RBBP5: variants seen among roughly 807,000 people sequenced by gnomAD.
RBBP5 encodes the protein RB binding protein 5, histone lysine methyltransferase complex subunit.
A neutral mutation model predicts 72.2 loss-of-function variants in RBBP5; 5 were observed. The observed-to-expected ratio is 0.07, with a 90% CI of 0.04 to 0.15. The LOEUF is 0.15. Ranked by LOEUF, RBBP5 falls within the 10% of genes least tolerant of loss-of-function variation. The pLI, the probability that RBBP5 is intolerant of heterozygous loss-of-function variation, is 1.00. For missense variants in RBBP5, 322 were observed against 652.2 expected (o/e 0.49, Z 5.51); for synonymous variants, 209 against 237.2 (o/e 0.88, Z 1.09).
At chr1:205,093,474 AAAAAAATATATATATATATATATATATAT>A (rs1558570143) in intron 13 of RBBP5, among the ~76,000 whole-genome samples, 1 of 8,576 alleles carries the variant, frequency 1.2e-4, no homozygotes, top group Non-Finnish European at 2.5e-4. Flanking sequence ...AAAAAAAAAA[AAAAAAATATATATATATATATATATATAT>A]ATATATATAT....
chr1:205,090,872 AGGAG>A (rs934619993), intron 13 of RBBP5, among the ~76,000 whole-genome samples: 12 of 152,092 alleles, frequency 7.9e-5, no homozygotes, highest in African/African-American at 2.4e-4. Context: ...AAAGAAGGAA[AGGAG>A]GGAGGGAGGG....
intron 3 of RBBP5, among the ~76,000 whole-genome samples, chr1:205,106,424 G>A (rs6698461): frequency 0.1 from 15,376 of 151,988 alleles, 1,429 homozygotes; most frequent in African/African-American, 0.24. Context: ...GTGAAACTCC[G>A]TTGTCTACTA....
At chr1:205,116,023 G>A (rs777816822) in intron 1 of RBBP5, 140 bp from the exon 2 acceptor site, 30 of 1,546,126 alleles carry the variant, frequency 1.9e-5, no homozygotes, top group African/African-American at 5.5e-5. Context: ...GAGGCCATAC[G>A]GATTTTCAAG....
intron 13 of RBBP5, chr1:205,091,918 C>T (rs1478489586): frequency 6.6e-6 from 1 of 152,150 alleles, no homozygotes; most frequent in Non-Finnish European, 1.5e-5. Context: ...TCTACAATAA[C>T]TATATATTGG....
chr1:205,096,061 T>C (rs1055554579), intron 12 of RBBP5, among the ~76,000 whole-genome samples: 11 of 151,916 alleles, frequency 7.2e-5, no homozygotes, highest in Admixed American at 5.9e-4. Context: ...GGCGTGGTGG[T>C]GCATGCCTGT....
At chr1:205,091,246 C>T (rs1353260272) in intron 13 of RBBP5, 1 of 152,272 alleles carries the variant, frequency 6.6e-6, no homozygotes, top group Non-Finnish European at 1.5e-5. Flanking sequence ...TTGGGCAATC[C>T]TTGAGCAATC....
At chr1:205,103,421 A>G (rs1655926742) in intron 5 of RBBP5, among the ~76,000 whole-genome samples, 1 of 152,206 alleles carries the variant, frequency 6.6e-6, no homozygotes, top group African/African-American at 2.4e-5. Flanking sequence ...TCTACAATGT[A>G]TTCCAGAGAA....
intron 1 of RBBP5, among the ~76,000 whole-genome samples, chr1:205,118,314 T>C (rs963937781): frequency 1.1e-4 from 17 of 151,940 alleles, no homozygotes; most frequent in African/African-American, 3.9e-4. Flanking sequence ...AATGTTGCAA[T>C]AGATTAGAAA....
chr1:205,097,460 C>T, intron 10 of RBBP5, 65 bp from the exon 11 acceptor site: 2 of 1,437,022 alleles, frequency 1.4e-6, no homozygotes, highest in East Asian at 5.0e-5. Context: ...TTTGCAGCTT[C>T]AAGGTTTTCA....
intron 13 of RBBP5, among the ~76,000 whole-genome samples, chr1:205,093,189 A>T (rs1044777526): frequency 4.1e-4 from 62 of 151,774 alleles, no homozygotes; most frequent in African/African-American, 1.5e-3. Flanking sequence ...GCCGGGCGTG[A>T]TAGCTCACAC....
In RBBP5 at chr1:205,100,466, T is replaced by C. The variant is rs569215183; in HGVS notation, c.633-195A>G. 2.6e-5 allele frequency among the ~76,000 whole-genome samples: 4 copies of C among 152,332 alleles called. No homozygotes were observed. In the East Asian group the frequency reaches 5.8e-4, roughly 22 times the overall value. On this transcript the variant is annotated intron_variant, in intron 6 of 13. Transcript: ENST00000264515. ...ATGTTTTATACTTCCTGTGTATCCC[T>C]GAACCCAAAATATACAAATTGTCAG... is the stretch of plus-strand genomic sequence containing the variant.
At chr1:205,088,962 C>G (rs1176120229) in intron 13 of RBBP5, 147 bp from the exon 14 acceptor site, 1 of 670,030 alleles carries the variant, frequency 1.5e-6, no homozygotes, top group Non-Finnish European at 2.4e-6. Context: ...ATAACCAACT[C>G]CAACTCCCAA....
At chr1:205,121,792 G>T in intron 1 of RBBP5, 63 bp downstream of exon 1, 1 of 1,608,886 alleles carries the variant, frequency 6.2e-7, no homozygotes. Flanking sequence ...CTCCCCTCCC[G>T]CCTGGGTTCC....
At chr1:205,107,980 C>T (rs1054584017) in intron 3 of RBBP5, among the ~76,000 whole-genome samples, 5 of 145,520 alleles carry the variant, frequency 3.4e-5, no homozygotes, top group African/African-American at 1.3e-4. Context: ...CGCTGTGGCT[C>T]ACGCCTGTAA....
At position 205,105,300 on chromosome 1, in the gene RBBP5, T is replaced by A. The variant is rs537813221; in HGVS notation, c.219-132A>T. The A allele has an allele frequency of 1.3e-4, 121 of 952,998 alleles. 1 individual carries two copies. The African/African-American group carries it at 1.8e-3, about 14-fold the overall frequency. 59.0% of individuals were successfully genotyped at this position (952,998 alleles called of 1,614,324 possible). On this transcript the variant is annotated intron_variant, in intron 3 of 13. Coordinates refer to ENST00000264515, the MANE Select transcript of RBBP5 (RefSeq NM_005057.4). ...AATGTTTTTGGTTTTGTTCCACGTA[T>A]ACTCAAATCCATAAGCTTTTCCAAC...
chr1:205,094,649 G>A (rs1224032563), intron 13 of RBBP5, among the ~76,000 whole-genome samples: 2 of 152,204 alleles, frequency 1.3e-5, no homozygotes, highest in African/African-American at 2.4e-5. Flanking sequence ...TCAGGGGAAT[G>A]TAGATTTATT....
At chr1:205,106,400 G>A (rs894953848) in intron 3 of RBBP5, among the ~76,000 whole-genome samples, 3 of 152,174 alleles carry the variant, frequency 2.0e-5, no homozygotes, top group African/African-American at 7.2e-5. Flanking sequence ...TTTGAGACCA[G>A]CCTGGCCGAC....
At chr1:205,093,129 T>C (rs979499383) in intron 13 of RBBP5, among the ~76,000 whole-genome samples, 2 of 152,032 alleles carry the variant, frequency 1.3e-5, no homozygotes, top group Non-Finnish European at 2.9e-5. Context: ...GCAATCTTTG[T>C]TGGCAATGCC....
chr1:205,093,533 T>TACACACAC (rs372536310), intron 13 of RBBP5, among the ~76,000 whole-genome samples: 335 of 4,844 alleles, frequency 0.069, 83 homozygotes, highest in Middle Eastern at 0.33. Flanking sequence ...TATATATATA[T>TACACACAC]ACACACACAC....
Sources: gnomAD v4.1 joint callset for allele counts (sites outside exome capture counted in the v4.1 genomes callset) on GRCh38, gnomAD v4.1.1 for gene constraint, MANE v1.5 for transcripts, NCBI Gene and HGNC (gene_info 2026-07-23, HGNC 2026-07-21) for gene names.